The following CNTNAP3 variants were observed in gnomAD, a reference collection of about 807,000 sequenced individuals.
The protein encoded by CNTNAP3 is contactin associated protein family member 3.
In CNTNAP3, 36 loss-of-function variants were observed where a neutral mutation model predicts 92.1. That is an observed-to-expected ratio of 0.39 (90% CI 0.30 to 0.52). The LOEUF is 0.52. Among genes scored for constraint, CNTNAP3 ranks in the 20% least tolerant of loss-of-function variants. The pLI is 0.76. For missense variants in CNTNAP3, 534 were observed against 1,069.6 expected (o/e 0.50, Z 6.98); for synonymous variants, 232 against 422.3 (o/e 0.55, Z 5.53).
At chr9:39,174,536 A>T (rs772315456) in intron 7 of CNTNAP3, 1 of 653,786 alleles carries the variant, frequency 1.5e-6, no homozygotes. Context: ...CCCATGAGCC[A>T]ACTCCTCCAG....
At chr9:39,114,023 T>TACACACATATATAC (rs992578354) in intron 14 of CNTNAP3, among the ~76,000 whole-genome samples, 2 of 141,490 alleles carry the variant, frequency 1.4e-5, no homozygotes, top group Admixed American at 6.9e-5. Context: ...CACATATATA[T>TACACACATATATAC]ACACACATAT....
At chr9:39,076,950 C>G (rs1394897024) in intron 23 of CNTNAP3, among the ~76,000 whole-genome samples, 3 of 148,466 alleles carry the variant, frequency 2.0e-5, no homozygotes, top group Non-Finnish European at 4.4e-5. Flanking sequence ...AGCGAGACTC[C>G]CTCTCAAACA....
In CNTNAP3 at chr9:39,085,230, C is replaced by G. The variant is rs1249486143; in HGVS notation, c.3442+506G>C. ...TAACAGATATTTATGAATATGCCTC[C>G]CCATTCCTGTTAGATACTAAAGTCA... On this transcript the variant is annotated intron_variant, in intron 21 of 23. Coordinates refer to ENST00000297668, the MANE Select transcript of CNTNAP3 (RefSeq NM_033655.5). 3 of 152,592 alleles carry G rather than the reference C, an allele frequency of 2.0e-5. No individual in the cohort carries two copies. In the South Asian group the frequency reaches 5.1e-4, roughly 26 times the overall value. The allele number at this position is 152,592 out of a possible 1,614,324, so 9.5% of individuals were successfully genotyped here.
In CNTNAP3 at chr9:39,105,127, G is replaced by A. The variant is rs563446188; in HGVS notation, c.2366-1213C>T. On this transcript the variant is annotated intron_variant, in intron 15 of 23. Coordinates refer to ENST00000297668, the MANE Select transcript of CNTNAP3 (RefSeq NM_033655.5). ...CACATTAATTGGTTGACATGCCTCCGTCAGAAATAGCTTTTCTCGGCTAGG... is the reference window on the plus strand; with the variant it reads ...CACATTAATTGGTTGACATGCCTCCATCAGAAATAGCTTTTCTCGGCTAGG... Among the ~76,000 whole-genome samples, 7 of 152,150 alleles carry A rather than the reference G, an allele frequency of 4.6e-5. No homozygotes were observed. The East Asian group carries it at 7.7e-4, about 17-fold the overall frequency.
chr9:39,087,182 A>G (rs1826079469), intron 19 of CNTNAP3, among the ~76,000 whole-genome samples: 1 of 152,202 alleles, frequency 6.6e-6, no homozygotes, highest in Non-Finnish European at 1.5e-5. Flanking sequence ...TATGACTTTG[A>G]TATTTATGAA....
intron 14 of CNTNAP3, among the ~76,000 whole-genome samples, chr9:39,113,833 T>C (rs1182758805): frequency 1.3e-5 from 2 of 151,252 alleles, no homozygotes; most frequent in East Asian, 1.9e-4. Context: ...ATGGCTGCTA[T>C]ATCAAGTTTG....
intron 20 of CNTNAP3, chr9:39,086,379 CAATG>C (rs1387307643): frequency 6.4e-5 from 19 of 297,350 alleles, no homozygotes; most frequent in Non-Finnish European, 1.1e-4. Context: ...ACTGCAGTAT[CAATG>C]AATAGATTCC....
At chr9:39,148,342 TGAATGAA>T (rs1821753124) in intron 10 of CNTNAP3, among the ~76,000 whole-genome samples, 1 of 152,228 alleles carries the variant, frequency 6.6e-6, no homozygotes, top group Non-Finnish European at 1.5e-5. Context: ...ACAGTCCATA[TGAATGAA>T]CTTTTCATTT....
In CNTNAP3 at chr9:39,073,219, A is replaced by C. The variant is rs1825668370; in HGVS notation, c.*671T>G. ...AAATCATTAAAAACAGTCAATTAGA[A>C]AAAGCAATACACCAAAAATAATGGT... is the stretch of plus-strand genomic sequence containing the variant. On this transcript the variant is annotated 3_prime_UTR_variant, in exon 24 of 24. Transcript: ENST00000297668. 1 of 158,634 alleles carries C rather than the reference A, an allele frequency of 6.3e-6. No homozygotes were observed. The highest frequency in any genetic ancestry group is 1.4e-5 in the Non-Finnish European group (1 of 71,158). 9.8% of individuals were successfully genotyped at this position (158,634 alleles called of 1,614,324 possible).
At chr9:39,077,794 C>A (rs1340501845) in intron 23 of CNTNAP3, among the ~76,000 whole-genome samples, 1 of 152,174 alleles carries the variant, frequency 6.6e-6, no homozygotes, top group African/African-American at 2.4e-5. Context: ...CAGCTATTTT[C>A]AAATTAATAA....
At chr9:39,123,285 G>T (rs900201392) in intron 13 of CNTNAP3, among the ~76,000 whole-genome samples, 1 of 151,758 alleles carries the variant, frequency 6.6e-6, no homozygotes, top group African/African-American at 2.4e-5. Context: ...TAGTAGAGAC[G>T]TGGTTTCCCC....
At chr9:39,114,731 C>A (rs1212818266) in intron 14 of CNTNAP3, among the ~76,000 whole-genome samples, 1 of 152,094 alleles carries the variant, frequency 6.6e-6, no homozygotes, top group Non-Finnish European at 1.5e-5. Flanking sequence ...TGCATTTAAA[C>A]CATCTTATTT....
At chr9:39,095,698 T>C (rs11790402) in intron 18 of CNTNAP3, among the ~76,000 whole-genome samples, 10,733 of 115,352 alleles carry the variant, frequency 0.093, 636 homozygotes, top group East Asian at 0.19. Flanking sequence ...GGTATATAGG[T>C]CTTTTAATAT....
At position 39,099,988 on chromosome 9, in the gene CNTNAP3, C is replaced by T; in HGVS notation, c.2918G>A (p.Gly973Glu). 6.3e-7 allele frequency: 1 copy of T among 1,596,066 alleles called. No individual in the cohort carries two copies. The highest frequency in any genetic ancestry group is 8.5e-7 in the Non-Finnish European group (1 of 1,171,214). Residue 973 changes from glycine (G) to glutamate (E), a missense_variant, in exon 18 of 24, where the codon GGG (glycine) becomes GAG (glutamate). By Grantham distance (98) the Gly-to-Glu change is moderately conservative (BLOSUM62 -2). Transcript: ENST00000297668. ...STYGHLCRNGGRCREKRRGVT... is the reference protein window; with the variant it reads ...STYGHLCRNGERCREKRRGVT... Reference sequence around the variant, plus strand: ...CCCCCTGCGTTTCTCTCTGCATCTCCCTCCATTGCGACACAAGTGTCCATA... The same window carrying T: ...CCCCCTGCGTTTCTCTCTGCATCTCTCTCCATTGCGACACAAGTGTCCATA...
At chr9:39,082,461 G>A (rs1587696782) in intron 21 of CNTNAP3, among the ~76,000 whole-genome samples, 2 of 150,028 alleles carry the variant, frequency 1.3e-5, no homozygotes, top group Non-Finnish European at 1.5e-5. Flanking sequence ...CTCTTTCTTG[G>A]AAAAAAAAAC....
chr9:39,139,375 T>A (rs1371902413), intron 12 of CNTNAP3, among the ~76,000 whole-genome samples: 1 of 152,238 alleles, frequency 6.6e-6, no homozygotes, highest in African/African-American at 2.4e-5. Context: ...GTAATTGGTA[T>A]CTTATGGCAG....
At chr9:39,105,224 C>G (rs181959793) in intron 15 of CNTNAP3, among the ~76,000 whole-genome samples, 144 of 152,160 alleles carry the variant, frequency 9.5e-4, no homozygotes, top group Middle Eastern at 3.4e-3. Flanking sequence ...TCAGGAGATC[C>G]AGACCATCCT....
In CNTNAP3 at chr9:39,133,091, C is replaced by G; in HGVS notation, c.1921G>C (p.Val641Leu). ...TVVQHGGPDA[V>L]TLRGAPSGHP... ...CCGCTGGGGGCACCTCGGAGGGTCA[C>G]CGCGTCGGGGCCACCGTGCTGCACC... Residue 641 changes from valine (V) to leucine (L), a missense_variant, in exon 13 of 24, where the codon GTG becomes CTG. Transcript: ENST00000297668. The G allele has an allele frequency of 6.4e-7, 1 of 1,570,782 alleles. No homozygotes were observed. Among genetic ancestry groups the G allele is most frequent in the Non-Finnish European group, 8.6e-7 (1 of 1,164,648 alleles).
Position 39,137,049 on chromosome 9 carries a change from G to C in CNTNAP3, c.1876+3470C>G, listed in dbSNP as rs1321847991. ...TGATACTAATTTGTGGGAATTCTCA[G>C]TCATTATTTCTTCAAATATGCTTCT... On this transcript the variant is annotated intron_variant, in intron 12 of 23. Transcript: ENST00000297668. Among the ~76,000 whole-genome samples, 3 of 151,562 alleles carry C rather than the reference G, an allele frequency of 2.0e-5. No individual in the cohort carries two copies. The East Asian group carries it at 5.8e-4, about 29-fold the overall frequency.
Sources: gnomAD v4.1 joint callset for allele counts (sites outside exome capture counted in the v4.1 genomes callset) on GRCh38, gnomAD v4.1.1 for gene constraint, MANE v1.5 for transcripts, NCBI Gene and HGNC (gene_info 2026-07-23, HGNC 2026-07-21) for gene names.